NCKAP5: variants seen among roughly 807,000 people sequenced by gnomAD.
The protein encoded by NCKAP5 is nck-associated protein 5.
A neutral mutation model predicts 167.0 loss-of-function variants in NCKAP5; 92 were observed. That is an observed-to-expected ratio of 0.55 (90% CI 0.47 to 0.66). The LOEUF is 0.66. Among genes scored for constraint, NCKAP5 ranks in the 30% least tolerant of loss-of-function variants. The pLI is 0.00. For synonymous variants in NCKAP5, 891 were observed against 877.4 expected (o/e 1.02, Z -0.27); for missense variants, 2,378 against 2,315.0 (o/e 1.03, Z -0.56).
intron 5 of NCKAP5, among the ~76,000 whole-genome samples, chr2:133,149,201 T>A (rs13395240): frequency 0.063 from 9,602 of 152,284 alleles, 382 homozygotes; most frequent in East Asian, 0.17. Context: ...TAGAAGCTTC[T>A]AACATCTCAC....
At chr2:133,123,730 G>C (rs2082318378) in intron 6 of NCKAP5, 1 of 469,912 alleles carries the variant, frequency 2.1e-6, no homozygotes, top group African/African-American at 2.0e-5. Context: ...AAGAGGAGAA[G>C]AGCTCTGTGC....
At position 133,515,303 on chromosome 2, in the gene NCKAP5, AAAATTGTAGT is replaced by A. The variant is rs926768188; in HGVS notation, c.69+2145_69+2154del. On this transcript the variant is annotated intron_variant, in intron 3 of 19. Transcript: ENST00000409261. Reference sequence around the variant, plus strand: ...AGAACATAATACTATAACCGGGGGCAAAATTGTAGTAACTTGGCCTAAGTGCTATAATGTT... The same window carrying A: ...AGAACATAATACTATAACCGGGGGCAAACTTGGCCTAAGTGCTATAATGTT... Among the ~76,000 whole-genome samples, 81 of 152,346 alleles carry A rather than the reference AAAATTGTAGT, an allele frequency of 5.3e-4. 1 individual carries two copies. Among genetic ancestry groups the A allele is most frequent in the African/African-American group, 1.8e-3 (73 of 41,582 alleles).
intron 3 of NCKAP5, among the ~76,000 whole-genome samples, chr2:133,340,206 C>G (rs577938406): frequency 9.9e-5 from 15 of 152,176 alleles, no homozygotes; most frequent in Admixed American, 5.2e-4. Flanking sequence ...TCACAACTAC[C>G]TTGAGCTGAC....
intron 4 of NCKAP5, among the ~76,000 whole-genome samples, chr2:133,253,567 T>A (rs1033801244): frequency 1.3e-5 from 2 of 152,112 alleles, no homozygotes; most frequent in African/African-American, 4.8e-5. Context: ...CGTTTCATCA[T>A]ATTTATCCCT....
intron 8 of NCKAP5, among the ~76,000 whole-genome samples, chr2:132,949,304 C>G (rs901185557): frequency 2.0e-5 from 3 of 152,172 alleles, no homozygotes; most frequent in African/African-American, 7.2e-5. Flanking sequence ...TGGCCAATTG[C>G]TAGAGACAGT....
intron 8 of NCKAP5, among the ~76,000 whole-genome samples, chr2:132,962,062 T>C (rs1187258556): frequency 6.6e-6 from 1 of 152,174 alleles, no homozygotes; most frequent in African/African-American, 2.4e-5. Context: ...TTGCTAGCGA[T>C]TCCTTTAGTT....
intron 3 of NCKAP5, among the ~76,000 whole-genome samples, chr2:133,362,902 C>T (rs983194428): frequency 1.3e-5 from 2 of 151,820 alleles, no homozygotes; most frequent in Admixed American, 6.6e-5. Flanking sequence ...TATAGGTGCC[C>T]GCCACCATGC....
At chr2:133,007,020 C>A (rs1217601884) in intron 6 of NCKAP5, among the ~76,000 whole-genome samples, 1 of 152,130 alleles carries the variant, frequency 6.6e-6, no homozygotes, top group African/African-American at 2.4e-5. Context: ...ACAGCACATC[C>A]AGAAAAGTCG....
At chr2:132,876,027 C>T (rs1370449728) in intron 9 of NCKAP5, among the ~76,000 whole-genome samples, 3 of 152,152 alleles carry the variant, frequency 2.0e-5, no homozygotes, top group Non-Finnish European at 4.4e-5. Flanking sequence ...TTCCCCAAAT[C>T]CTCAATATGT....
chr2:133,549,772 A>G, intron 2 of NCKAP5, among the ~76,000 whole-genome samples: 1 of 150,814 alleles, frequency 6.6e-6, no homozygotes, highest in Non-Finnish European at 1.5e-5. Flanking sequence ...AAATAGAGAC[A>G]CAAAAAAACC....
chr2:132,690,092 T>C (rs144189726), intron 19 of NCKAP5, among the ~76,000 whole-genome samples: 11 of 152,306 alleles, frequency 7.2e-5, no homozygotes, highest in African/African-American at 2.6e-4. Flanking sequence ...TTGTTCAATG[T>C]TATTTTTTTA....
intron 3 of NCKAP5, among the ~76,000 whole-genome samples, chr2:133,408,835 G>A (rs557658941): frequency 1.7e-3 from 257 of 152,268 alleles, no homozygotes; most frequent in Admixed American, 3.1e-3. Flanking sequence ...GAACAGTAGT[G>A]GGGCTGCCAC....
At chr2:133,592,580 A>G in the NCKAP5 span, among the ~76,000 whole-genome samples, 1 of 152,230 alleles carries the variant, frequency 6.6e-6, no homozygotes, top group African/African-American at 2.4e-5. Flanking sequence ...CAACAATTTG[A>G]TATCATGAAG....
At chr2:133,591,360 C>T in the NCKAP5 span, among the ~76,000 whole-genome samples, 97 of 152,300 alleles carry the variant, frequency 6.4e-4, no homozygotes, top group East Asian at 0.016. Context: ...AAAACAGCTG[C>T]CCCTTTCTGC....
intron 8 of NCKAP5, chr2:132,930,916 T>C (rs1696326151): frequency 6.6e-6 from 1 of 152,172 alleles, no homozygotes; most frequent in Non-Finnish European, 1.5e-5. Flanking sequence ...AAATAGGTAC[T>C]GTTATTTTAT....
intron 4 of NCKAP5, among the ~76,000 whole-genome samples, chr2:133,225,333 C>T (rs1032741595): frequency 6.6e-6 from 1 of 152,164 alleles, no homozygotes; most frequent in Admixed American, 6.5e-5. Context: ...TACATGACAA[C>T]TAATTTAGTT....
At position 132,782,579 on chromosome 2, in the gene NCKAP5, C is replaced by T. The variant is rs1384272829; in HGVS notation, c.4232G>A (p.Arg1411His). The stretch of plus-strand genomic sequence containing the variant: ...TGTTGGGGTGGGTGGGCAACTGCGG[C>T]GGTCACTGCCTGGTTCCCCAAGTAC... The part of the protein sequence containing the change: ...VAVLGEPGSD[R>H]RSCPPTPTDC... The change falls in exon 14 of 20, where the codon CGC becomes CAC. Residue 1411 changes from arginine to histidine, a missense_variant. Physicochemically the swap from Arg to His is conservative, Grantham distance 29. Transcript: ENST00000409261. 4 of 1,582,680 alleles carry T rather than the reference C, an allele frequency of 2.5e-6. No homozygotes were observed. The highest frequency in any genetic ancestry group is 4.5e-5 in the East Asian group (2 of 44,662).
At position 132,788,435 on chromosome 2, in the gene NCKAP5, A is replaced by T. The variant is rs868286987; in HGVS notation, c.1092+1588T>A. Among the ~76,000 whole-genome samples the T allele has an allele frequency of 8.5e-5, 13 of 152,324 alleles. No homozygotes were observed. The South Asian group carries it at 1.0e-3, about 12-fold the overall frequency. On this transcript the variant is annotated intron_variant, in intron 13 of 19. Coordinates refer to ENST00000409261, the MANE Select transcript of NCKAP5 (RefSeq NM_207363.3). ...GATTCAACAAGGCCAGTATAAAAGA[A>T]CAATTAAGAATGTGGGTTCTGGAGC... is the stretch of plus-strand genomic sequence containing the variant.
intron 3 of NCKAP5, among the ~76,000 whole-genome samples, chr2:133,357,975 G>A (rs550578458): frequency 2.4e-4 from 37 of 152,266 alleles, no homozygotes; most frequent in African/African-American, 8.7e-4. Context: ...ATTAATTCAA[G>A]CCTCTGTACT....
Sources: allele counts gnomAD v4.1 joint callset (sites outside exome capture counted in the v4.1 genomes callset), GRCh38; gene constraint gnomAD v4.1.1; transcripts MANE v1.5; gene names NCBI Gene and HGNC (gene_info 2026-07-23, HGNC 2026-07-21).